The following PDPK1 variants were observed in gnomAD, a reference collection of about 807,000 sequenced individuals.
PDPK1 encodes the protein 3-phosphoinositide-dependent protein kinase 1.
PDPK1 carries 7 observed loss-of-function variants against 39.8 expected under a neutral mutation model. The ratio of observed to expected loss-of-function variants is 0.18; its 90% CI spans 0.10 to 0.33. The LOEUF (loss-of-function observed/expected upper bound fraction) is 0.33. PDPK1 is among the 10% of genes least tolerant of loss of function. The pLI is 1.00. For synonymous variants in PDPK1, 118 were observed against 159.1 expected, an observed-to-expected ratio of 0.74 and a Z score of 1.95; for missense variants, 182 against 384.7, an observed-to-expected ratio of 0.47 and a Z score of 4.41.
In PDPK1 at chr16:2,602,726, C is replaced by T. The variant is rs867544241; in HGVS notation, c.*4959C>T. 3.0e-5 allele frequency: 7 copies of T among 234,482 alleles called. No individual in the cohort carries two copies. Among genetic ancestry groups the T allele is most frequent in the Middle Eastern group, 1.3e-3 (1 of 786 alleles). 14.5% of individuals were successfully genotyped at this position (234,482 alleles called of 1,614,324 possible). On this transcript the variant is annotated 3_prime_UTR_variant, in exon 14 of 14. Transcript: ENST00000342085. The stretch of plus-strand genomic sequence containing the variant: ...TCAGGTGGGTGGCAAGCAGAACATG[C>T]GTAATATTCTCTACCTGGTCTGTAG...
chr16:2,585,639 CCGTGGAGGGGTCGGCGTGGAGGGGCCGG>C (rs1323447879), intron 10 of PDPK1, among the ~76,000 whole-genome samples: 1 of 152,196 alleles, frequency 6.6e-6, no homozygotes, highest in African/African-American at 2.4e-5. Flanking sequence ...GGCCCACACC[CCGTGGAGGGGTCGGCGTGGAGGGGCCGG>C]CGTGGAGGGG....
intron 11 of PDPK1, among the ~76,000 whole-genome samples, chr16:2,590,225 G>A (rs2066961674): frequency 6.6e-6 from 1 of 152,024 alleles, no homozygotes; most frequent in South Asian, 2.1e-4. Context: ...GGCTTAAGCA[G>A]TTCTCCTGCC....
chr16:2,592,471 T>G, intron 11 of PDPK1: 1 of 295,532 alleles, frequency 3.4e-6, no homozygotes, highest in Non-Finnish European at 6.6e-6. Flanking sequence ...AAAATCAAGG[T>G]GATTGCAGCC....
chr16:2,544,064 A>G (rs1443170352), intron 1 of PDPK1, among the ~76,000 whole-genome samples: 1 of 152,066 alleles, frequency 6.6e-6, no homozygotes, highest in Non-Finnish European at 1.5e-5. Context: ...GGGAATCATG[A>G]CAATAAAAAA....
intron 11 of PDPK1, among the ~76,000 whole-genome samples, chr16:2,591,297 A>G (rs2066985543): frequency 6.6e-6 from 1 of 152,234 alleles, no homozygotes; most frequent in Non-Finnish European, 1.5e-5. Flanking sequence ...GAAACCGTAG[A>G]ATGAAATTTG....
At chr16:2,573,628 T>G (rs2066672915) in intron 6 of PDPK1, among the ~76,000 whole-genome samples, 1 of 64,216 alleles carries the variant, frequency 1.6e-5, no homozygotes, top group Non-Finnish European at 2.7e-5. Context: ...CGGAGACCAG[T>G]TGAGGTGGGA....
At position 2,597,815 on chromosome 16, in the gene PDPK1, G is replaced by T. The variant is rs781565770; in HGVS notation, c.*48G>T. The stretch of plus-strand genomic sequence containing the variant: ...CTTCGCTGCCAGGACACCTGCCCCA[G>T]CGCGGCTTGGCCGCCATCCGGGACG... On this transcript the variant is annotated 3_prime_UTR_variant, in exon 14 of 14. Transcript: ENST00000342085. The surrounding 1 kb of genome is among the most constrained non-coding windows in gnomAD (Gnocchi z 6.3). The T allele has an allele frequency of 2.5e-5, 34 of 1,336,924 alleles. No individual in the cohort carries two copies. The highest frequency in any genetic ancestry group is 3.6e-5 in the Non-Finnish European group (34 of 935,128). 82.8% of individuals were successfully genotyped at this position (1,336,924 alleles called of 1,614,324 possible).
intron 1 of PDPK1, among the ~76,000 whole-genome samples, chr16:2,556,395 A>C (rs1597033150): frequency 3.1e-5 from 3 of 96,650 alleles, no homozygotes; most frequent in African/African-American, 9.0e-5. Context: ...ACGAAATTTC[A>C]CTCTTGTTGC....
intron 1 of PDPK1, among the ~76,000 whole-genome samples, chr16:2,542,437 G>A (rs1017379972): frequency 6.6e-6 from 1 of 152,212 alleles, no homozygotes; most frequent in African/African-American, 2.4e-5. Context: ...GGGATTACAG[G>A]CATGAGCCGC....
chr16:2,577,829 C>T (rs1304745928), intron 7 of PDPK1, among the ~76,000 whole-genome samples: 1 of 149,318 alleles, frequency 6.7e-6, no homozygotes, highest in African/African-American at 2.5e-5. Flanking sequence ...ACCTCCGCCT[C>T]CCGGGTTCAA....
chr16:2,585,652 G>A (rs937838960), intron 10 of PDPK1, among the ~76,000 whole-genome samples: 1 of 152,042 alleles, frequency 6.6e-6, no homozygotes, highest in Admixed American at 6.5e-5. Flanking sequence ...TGGAGGGGTC[G>A]GCGTGGAGGG....
chr16:2,590,051 C>T (rs939725023), intron 11 of PDPK1, among the ~76,000 whole-genome samples: 2 of 152,196 alleles, frequency 1.3e-5, no homozygotes, highest in African/African-American at 4.8e-5. Context: ...GCTTTTGCCT[C>T]ACAGTGGATG....
Position 2,598,194 on chromosome 16 carries a change from C to G in PDPK1, c.*427C>G, listed in dbSNP as rs2067142221. 1 of 240,410 alleles carries G rather than the reference C, an allele frequency of 4.2e-6. No homozygotes were observed. Among genetic ancestry groups the G allele is most frequent in the East Asian group, 6.0e-5 (1 of 16,708 alleles). The allele number at this position is 240,410 out of a possible 1,614,324, so 14.9% of individuals were successfully genotyped here. A position where few individuals can be genotyped will look rare whatever the true frequency, so the allele number is the denominator to read the frequency against. ...CCGAGGGGACCGGGTGTGTTTGGCT[C>G]TTTATGCCCCTCCCGCTGTGGTCCT... On this transcript the variant is annotated 3_prime_UTR_variant, in exon 14 of 14. Coordinates refer to ENST00000342085, the MANE Select transcript of PDPK1 (RefSeq NM_002613.5).
In PDPK1 at chr16:2,547,235, A is replaced by G. The variant is rs184409823; in HGVS notation, c.24+9099A>G. On this transcript the variant is annotated intron_variant, in intron 1 of 13. Coordinates refer to ENST00000342085, the MANE Select transcript of PDPK1 (RefSeq NM_002613.5). ...CATTTCCCCCCATGTGGACCTCATC[A>G]GGGGGTCCTTCCTGAGGGCGAGCGC... 2.2e-3 allele frequency among the ~76,000 whole-genome samples: 321 copies of G among 144,100 alleles called. 23 individuals are homozygous for G. The highest frequency in any genetic ancestry group is 8.9e-3 in the African/African-American group (304 of 34,026). The allele number at this position is 144,100 out of a possible 152,430, so 94.5% of individuals were successfully genotyped here. A position where few individuals can be genotyped will look rare whatever the true frequency, so the allele number is the denominator to read the frequency against.
intron 1 of PDPK1, among the ~76,000 whole-genome samples, chr16:2,540,789 T>C (rs1383357326): frequency 6.6e-6 from 1 of 152,202 alleles, no homozygotes; most frequent in African/African-American, 2.4e-5. Flanking sequence ...TGGGTGAGGC[T>C]TGAAATCCTC....
chr16:2,562,399 C>CATCCTG (rs1398247544), intron 4 of PDPK1: 1 of 134,848 alleles, frequency 7.4e-6, no homozygotes, highest in African/African-American at 2.7e-5. Context: ...GTGGCCTCCC[C>CATCCTG]ATCCTGCCTG....
chr16:2,591,689 C>T (rs2066993103), intron 11 of PDPK1, among the ~76,000 whole-genome samples: 1 of 152,180 alleles, frequency 6.6e-6, no homozygotes, highest in African/African-American at 2.4e-5. Context: ...CAGGTGGATG[C>T]GGGGACCCAG....
rs2067230494 is a variant in PDPK1 at position 2,602,177 on chromosome 16, T to C, written c.*4410T>C. 1 of 234,442 alleles carries C rather than the reference T, an allele frequency of 4.3e-6. No homozygotes were observed. The highest frequency in any genetic ancestry group is 5.6e-5 in the Admixed American group (1 of 17,770). 14.5% of individuals were successfully genotyped at this position (234,442 alleles called of 1,614,324 possible). A position where few individuals can be genotyped will look rare whatever the true frequency, so the allele number is the denominator to read the frequency against. On this transcript the variant is annotated 3_prime_UTR_variant, in exon 14 of 14. Coordinates refer to ENST00000342085, the MANE Select transcript of PDPK1 (RefSeq NM_002613.5). ...CACTTTTCCCCAGTTATTTTCAAACTTGACATGAGCCTATGTTGACTCACT... is the reference window on the plus strand; with the variant it reads ...CACTTTTCCCCAGTTATTTTCAAACCTGACATGAGCCTATGTTGACTCACT...
chr16:2,593,277 G>A lies in PDPK1; in HGVS notation c.1344-2516G>A. ...TTTTTAGTTTGTGTCATTTTGTTGA[G>A]TTTTCTGTTGGGTTCCAAGCCTCTC... is the stretch of plus-strand genomic sequence containing the variant. On this transcript the variant is annotated intron_variant, in intron 11 of 13. Coordinates refer to ENST00000342085, the MANE Select transcript of PDPK1 (RefSeq NM_002613.5). The surrounding 1 kb of genome is among the most constrained non-coding windows in gnomAD (Gnocchi z 4.2). The A allele has an allele frequency of 5.6e-6, 2 of 358,240 alleles. No homozygotes were observed. Among genetic ancestry groups the A allele is most frequent in the Non-Finnish European group, 1.1e-5 (2 of 183,810 alleles). The allele number at this position is 358,240 out of a possible 1,614,324, so 22.2% of individuals were successfully genotyped here.
Sources: allele counts gnomAD v4.1 joint callset (sites outside exome capture counted in the v4.1 genomes callset), GRCh38; gene constraint gnomAD v4.1.1; non-coding constraint Gnocchi (gnomAD v3.1); transcripts MANE v1.5; gene names NCBI Gene and HGNC (gene_info 2026-07-23, HGNC 2026-07-21).